ACOX1: variants seen among roughly 807,000 people sequenced by gnomAD.
ACOX1 encodes peroxisomal acyl-coenzyme A oxidase 1.
ACOX1 carries 41 observed loss-of-function variants against 75.5 expected under a neutral mutation model. The observed-to-expected ratio is 0.54, with a 90% CI of 0.42 to 0.70. The LOEUF (loss-of-function observed/expected upper bound fraction) is 0.70, where lower values mean the gene tolerates loss of function less well. Among genes scored for constraint, ACOX1 ranks in the 30% least tolerant of loss-of-function variants. The pLI, the probability that ACOX1 is intolerant of heterozygous loss-of-function variation, is 0.00. For missense variants in ACOX1, 630 were observed against 837.5 expected, an observed-to-expected ratio of 0.75 and a Z score of 3.06; for synonymous variants, 303 against 298.8, an observed-to-expected ratio of 1.01 and a Z score of -0.15.
intron 2 of ACOX1, among the ~76,000 whole-genome samples, chr17:75,977,748 G>A (rs2066067594): frequency 6.6e-6 from 1 of 151,732 alleles, no homozygotes; most frequent in Non-Finnish European, 1.5e-5. Flanking sequence ...TTCATTCAGA[G>A]GCGTCACAGA....
chr17:75,969,890 A>C (rs1014368049), intron 2 of ACOX1, among the ~76,000 whole-genome samples: 1 of 152,178 alleles, frequency 6.6e-6, no homozygotes, highest in South Asian at 2.1e-4. Flanking sequence ...AGACAGAAAG[A>C]GAGCGAGAAA....
chr17:75,978,605 T>C lies in ACOX1; in HGVS notation c.198A>G (p.Lys66=), dbSNP rs1598206291. 1 of 1,614,188 alleles carries C rather than the reference T, an allele frequency of 6.2e-7. No individual in the cohort carries two copies. The highest frequency in any genetic ancestry group is 8.5e-7 in the Non-Finnish European group (1 of 1,180,042). ...RSQRYEVAVR[K]SAIMVKKMRE... ...TCATCTTCTTCACCATGATGGCACT[T>C]TTCCTGACAGCCACCTCATAACGCT... Residue 66 remains lysine, a synonymous_variant, in exon 2 of 14, where the codon AAA becomes AAG. Coordinates refer to ENST00000293217, the MANE Select transcript of ACOX1 (RefSeq NM_004035.7). The surrounding 1 kb of genome is among the most constrained non-coding windows in gnomAD (Gnocchi z 4.2).
intron 12 of ACOX1, among the ~76,000 whole-genome samples, chr17:75,948,671 T>C (rs1342515785): frequency 6.6e-6 from 1 of 151,778 alleles, no homozygotes; most frequent in Non-Finnish European, 1.5e-5. Flanking sequence ...TCTCCTCCCT[T>C]GGCCTCCCAA....
At chr17:75,947,939 G>A (rs932896180) in intron 13 of ACOX1, among the ~76,000 whole-genome samples, 3 of 151,880 alleles carry the variant, frequency 2.0e-5, no homozygotes, top group Admixed American at 2.0e-4. Flanking sequence ...GGCTAGTCTC[G>A]AACTCCTGAC....
intron 3 of ACOX1, among the ~76,000 whole-genome samples, chr17:75,958,102 C>T (rs2065849529): frequency 6.6e-6 from 1 of 152,094 alleles, no homozygotes; most frequent in South Asian, 2.1e-4. Context: ...TGCCTGTAAT[C>T]CCAGCACTTT....
rs1012393761 is a variant in ACOX1 at position 75,946,200 on chromosome 17, G to C, written c.*548C>G. 1 of 166,138 alleles carries C rather than the reference G, an allele frequency of 6.0e-6. No homozygotes were observed. Among genetic ancestry groups the C allele is most frequent in the African/African-American group, 2.4e-5 (1 of 41,502 alleles). The allele number at this position is 166,138 out of a possible 1,614,324, so 10.3% of individuals were successfully genotyped here. On this transcript the variant is annotated 3_prime_UTR_variant, in exon 14 of 14. Transcript: ENST00000293217. ...AAATGCAATCCATCAGCAAAGGAGA[G>C]CAAGCAGGCAGAGACTGTGCCAAGC...
At chr17:75,967,426 T>C (rs1411036360) in intron 2 of ACOX1, among the ~76,000 whole-genome samples, 2 of 147,254 alleles carry the variant, frequency 1.4e-5, no homozygotes, top group African/African-American at 5.0e-5. Flanking sequence ...GCCAAGATGA[T>C]GCCACTGCAC....
At chr17:75,971,125 C>G (rs1485474384) in intron 2 of ACOX1, among the ~76,000 whole-genome samples, 1 of 152,008 alleles carries the variant, frequency 6.6e-6, no homozygotes, top group East Asian at 1.9e-4. Context: ...AACCCCGTCT[C>G]TACTGAAAAT....
At position 75,955,847 on chromosome 17, in the gene ACOX1, C is replaced by T; in HGVS notation, c.639G>A (p.Gly213=). 6.2e-7 allele frequency: 1 copy of T among 1,614,114 alleles called. No individual in the cohort carries two copies. Among genetic ancestry groups the T allele is most frequent in the Non-Finnish European group, 8.5e-7 (1 of 1,180,034 alleles). ...HAFIVPIREI[G]THKPLPGITV... ...TCTTACCTGGCAAAGGCTTATGGGT[C>T]CCGATTTCACGAATAGGTACGATAA... Residue 213 remains glycine (G), a synonymous_variant, in exon 5 of 14, where the codon GGG becomes GGA. Transcript: ENST00000293217.
chr17:75,953,570 G>GT lies in ACOX1; in HGVS notation c.824dup (p.Tyr275Ter). Residue 275 changes from tyrosine (Y) to a stop codon, truncating the protein, a stop_gained and frameshift_variant, in exon 7 of 14, where the codon TAC (tyrosine) becomes TAAC (stop). Transcript: ENST00000293217. LOFTEE classifies it high-confidence loss of function. ...AGGACCTGACAAACACCATGGTCCC[G>GT]TAAGTCAGCTTGTTACTCAGCGGTT... Reference protein sequence around the residue: ...YVKPLSNKLTYGTMVFVRSFL... With the variant: ...YVKPLSNKLT The GT allele has an allele frequency of 6.2e-7, 1 of 1,614,168 alleles. No individual in the cohort carries two copies. The highest frequency in any genetic ancestry group is 1.1e-5 in the South Asian group (1 of 91,086).
Position 75,955,674 on chromosome 17 carries a change from G to A in ACOX1, c.666C>T (p.Thr222=), listed in dbSNP as rs536793161. The part of the protein sequence containing the change: ...IGTHKPLPGI[T]VGDIGPKFGY... ...CAAATTTGGGGCCGATGTCACCAAC[G>A]GTAATTCCTACCACAGATGAAAGGA... The change falls in exon 6 of 14, where the codon ACC becomes ACT. Residue 222 remains threonine, a synonymous_variant. Transcript: ENST00000293217. The A allele has an allele frequency of 6.2e-6, 10 of 1,613,688 alleles. No individual in the cohort carries two copies. Among genetic ancestry groups the A allele is most frequent in the Middle Eastern group, 1.6e-4 (1 of 6,062 alleles).
intron 2 of ACOX1, among the ~76,000 whole-genome samples, chr17:75,972,299 C>G (rs1334263869): frequency 1.6e-4 from 23 of 145,470 alleles, no homozygotes. Context: ...TGCACTCCAG[C>G]CTGGGCGACA....
chr17:75,976,221 A>G (rs1486306363), intron 2 of ACOX1, among the ~76,000 whole-genome samples: 1 of 152,238 alleles, frequency 6.6e-6, no homozygotes, highest in Non-Finnish European at 1.5e-5. Context: ...TAAAGTTTGT[A>G]CTTTAATACT....
At chr17:75,961,062 G>A (rs914615613) in intron 2 of ACOX1, among the ~76,000 whole-genome samples, 4 of 151,852 alleles carry the variant, frequency 2.6e-5, no homozygotes, top group Admixed American at 6.6e-5. Context: ...AGAGGCCGAG[G>A]TGGGTGGATC....
chr17:75,970,315 C>T (rs537246829), intron 2 of ACOX1, among the ~76,000 whole-genome samples: 5 of 151,984 alleles, frequency 3.3e-5, no homozygotes, highest in East Asian at 3.9e-4. Context: ...AGCAAACAAA[C>T]GACCTGTTTT....
Position 75,979,119 on chromosome 17 carries a change from G to A in ACOX1, c.-46C>T, listed in dbSNP as rs1251754030. On this transcript the variant is annotated 5_prime_UTR_variant, in exon 1 of 14. Coordinates refer to ENST00000293217, the MANE Select transcript of ACOX1 (RefSeq NM_004035.7). ...GAAGTAAGCACCGACCGAGGTGGCA[G>A]TGACAATCTAAATCCGCAGCTCCAG... is the stretch of plus-strand genomic sequence containing the variant. 1 of 1,604,540 alleles carries A rather than the reference G, an allele frequency of 6.2e-7. No homozygotes were observed. The highest frequency in any genetic ancestry group is 8.5e-7 in the Non-Finnish European group (1 of 1,179,510).
chr17:75,973,474 T>A lies in ACOX1; in HGVS notation c.269+5060A>T, dbSNP rs557790696. On this transcript the variant is annotated intron_variant, in intron 2 of 13. Transcript: ENST00000293217. ...GCCCTGGACCAGTTTCCAGGGAAAA[T>A]GTCTAGGAGAAAACAAGAAGTTGAA... 49 of 813,996 alleles carry A rather than the reference T, an allele frequency of 6.0e-5. No individual in the cohort carries two copies. The African/African-American group carries it at 7.8e-4, about 13-fold the overall frequency. The allele number at this position is 813,996 out of a possible 1,614,324, so 50.4% of individuals were successfully genotyped here.
chr17:75,957,119 T>C (rs997330301), intron 4 of ACOX1, among the ~76,000 whole-genome samples: 2 of 151,636 alleles, frequency 1.3e-5, no homozygotes, highest in African/African-American at 2.4e-5. Flanking sequence ...AAAGTCTTGC[T>C]GTGATGCCCA....
In ACOX1 at chr17:75,942,738, T is replaced by A. The variant is rs556930840; in HGVS notation, c.*4010A>T. The A allele has an allele frequency of 1.8e-4, 28 of 152,206 alleles. No homozygotes were observed. Among genetic ancestry groups the A allele is most frequent in the African/African-American group, 6.3e-4 (26 of 41,528 alleles). The allele number at this position is 152,206 out of a possible 1,614,324, so 9.4% of individuals were successfully genotyped here. ...CATACCCTCTACACGTATAAAAAGATGTGCAGGTGTTACAGACCACCTACA... is the reference window on the plus strand; with the variant it reads ...CATACCCTCTACACGTATAAAAAGAAGTGCAGGTGTTACAGACCACCTACA... On this transcript the variant is annotated 3_prime_UTR_variant, in exon 14 of 14. Transcript: ENST00000293217.
Sources: gnomAD v4.1 joint callset for allele counts (sites outside exome capture counted in the v4.1 genomes callset) on GRCh38, gnomAD v4.1.1 for gene constraint, Gnocchi (gnomAD v3.1) non-coding constraint, MANE v1.5 for transcripts, NCBI Gene and HGNC (gene_info 2026-07-23, HGNC 2026-07-21) for gene names.